CTNNA3: variants seen among roughly 807,000 people sequenced by gnomAD.
CTNNA3 encodes the protein catenin alpha 3.
Under a neutral mutation model 95.7 loss-of-function variants are expected in CTNNA3, and 76 were observed. The ratio of observed to expected loss-of-function variants is 0.79; its 90% CI spans 0.66 to 0.96. The LOEUF (loss-of-function observed/expected upper bound fraction) is 0.96. Ranked by LOEUF, CTNNA3 falls within the 40% of genes least tolerant of loss-of-function variation. The probability of loss-of-function intolerance (pLI) is 0.00; values close to 1 mark genes in which losing one functional copy is unlikely to be tolerated. For synonymous variants in CTNNA3, 431 were observed against 374.4 expected, an observed-to-expected ratio of 1.15 and a Z score of -1.74; for missense variants, 1,191 against 1,089.8, an observed-to-expected ratio of 1.09 and a Z score of -1.31.
chr10:66,514,010 G>C (rs1204503779), intron 11 of CTNNA3, among the ~76,000 whole-genome samples: 8 of 152,178 alleles, frequency 5.3e-5, no homozygotes, highest in African/African-American at 1.9e-4. Flanking sequence ...TTAGGCCCCA[G>C]GGCAGGATGT....
intron 11 of CTNNA3, among the ~76,000 whole-genome samples, chr10:66,395,304 T>C (rs139767259): frequency 1.1e-4 from 17 of 152,062 alleles, no homozygotes; most frequent in African/African-American, 4.1e-4. Flanking sequence ...GCATCATTTG[T>C]AATTGCTTCA....
At chr10:66,729,040 G>T (rs554531503) in intron 9 of CTNNA3, among the ~76,000 whole-genome samples, 2 of 152,158 alleles carry the variant, frequency 1.3e-5, no homozygotes, top group Admixed American at 6.5e-5. Flanking sequence ...TGTCAAGTTT[G>T]TCTAAGATTA....
intron 5 of CTNNA3, among the ~76,000 whole-genome samples, chr10:67,431,336 A>G (rs924485051): frequency 2.0e-5 from 3 of 152,018 alleles, no homozygotes; most frequent in African/African-American, 7.2e-5. Context: ...GACTTAACAT[A>G]TCTCAGAATC....
At position 67,058,314 on chromosome 10, in the gene CTNNA3, T is replaced by C. The variant is rs192580722; in HGVS notation, c.1047+122003A>G. Among the ~76,000 whole-genome samples, 340 of 152,336 alleles carry C rather than the reference T, an allele frequency of 2.2e-3. 9 individuals carry two copies. The highest frequency in any genetic ancestry group is 0.018 in the Admixed American group (273 of 15,300). On this transcript the variant is annotated intron_variant, in intron 7 of 17. Coordinates refer to ENST00000433211, the MANE Select transcript of CTNNA3 (RefSeq NM_013266.4). ...CATCATTCTTACTAGAGAACTTTGT[T>C]CTAGGCTTTTGTCAGATAACATATT...
chr10:66,526,700 A>G (rs962939022), intron 10 of CTNNA3, among the ~76,000 whole-genome samples: 4 of 152,156 alleles, frequency 2.6e-5, no homozygotes, highest in African/African-American at 4.8e-5. Flanking sequence ...CCTAATGATT[A>G]ATGATGCTGA....
At chr10:67,581,649 C>G (rs1202671930) in intron 3 of CTNNA3, among the ~76,000 whole-genome samples, 1 of 152,082 alleles carries the variant, frequency 6.6e-6, no homozygotes, top group African/African-American at 2.4e-5. Context: ...AGCTCCTCCT[C>G]ATACCTCTGG....
chr10:66,461,710 G>A lies in CTNNA3; in HGVS notation c.1531+58907C>T, dbSNP rs574971736. 3.4e-5 allele frequency among the ~76,000 whole-genome samples: 5 copies of A among 146,174 alleles called. No individual in the cohort carries two copies. In the South Asian group the frequency reaches 8.7e-4, roughly 25 times the overall value. ...GTATATATATATATATATATCAAGT[G>A]GAATATATTAGTAATATTTCAAAAG... On this transcript the variant is annotated intron_variant, in intron 11 of 17. Coordinates refer to ENST00000433211, the MANE Select transcript of CTNNA3 (RefSeq NM_013266.4).
At chr10:66,400,209 TA>T (rs2093009737) in intron 11 of CTNNA3, among the ~76,000 whole-genome samples, 1 of 151,870 alleles carries the variant, frequency 6.6e-6, no homozygotes, top group African/African-American at 2.4e-5. Context: ...AGAATACAAA[TA>T]AACCAACCAT....
intron 5 of CTNNA3, among the ~76,000 whole-genome samples, chr10:67,399,847 T>C (rs1274281225): frequency 6.6e-6 from 1 of 152,244 alleles, no homozygotes; most frequent in Non-Finnish European, 1.5e-5. Flanking sequence ...ATAGATCAAG[T>C]ACACATTCAT....
intron 7 of CTNNA3, among the ~76,000 whole-genome samples, chr10:66,988,154 G>A (rs985613236): frequency 6.6e-6 from 1 of 152,078 alleles, no homozygotes; most frequent in African/African-American, 2.4e-5. Context: ...TTTGTAACTT[G>A]CTGGCATCAT....
chr10:66,269,707 A>C (rs1362713211), intron 13 of CTNNA3, among the ~76,000 whole-genome samples: 1 of 152,184 alleles, frequency 6.6e-6, no homozygotes, highest in Non-Finnish European at 1.5e-5. Context: ...CATAAAATAC[A>C]CTCCGGCACA....
intron 17 of CTNNA3, among the ~76,000 whole-genome samples, chr10:65,925,024 C>T (rs1589134365): frequency 6.6e-6 from 1 of 152,264 alleles, no homozygotes; most frequent in East Asian, 1.9e-4. Flanking sequence ...ATGGGGATTA[C>T]TACAATTCAA....
intron 1 of CTNNA3, among the ~76,000 whole-genome samples, chr10:67,727,334 T>A (rs1841241076): frequency 7.5e-6 from 1 of 132,630 alleles, no homozygotes; most frequent in South Asian, 2.2e-4. Flanking sequence ...ATTTATATAT[T>A]ATTGTATATT....
intron 7 of CTNNA3, among the ~76,000 whole-genome samples, chr10:66,929,112 G>C (rs1847231901): frequency 6.6e-6 from 1 of 152,178 alleles, no homozygotes; most frequent in African/African-American, 2.4e-5. Context: ...GCAGACAACT[G>C]CAAAATGTGA....
At chr10:67,185,134 CT>C (rs369700710) in intron 6 of CTNNA3, among the ~76,000 whole-genome samples, 6 of 151,276 alleles carry the variant, frequency 4.0e-5, no homozygotes, top group African/African-American at 1.5e-4. Context: ...TTTTTCTTTT[CT>C]TTTTTTGTTT....
At chr10:67,314,291 A>G (rs1189369476) in intron 5 of CTNNA3, among the ~76,000 whole-genome samples, 2 of 152,196 alleles carry the variant, frequency 1.3e-5, no homozygotes, top group Admixed American at 1.3e-4. Context: ...TCATTTTCGC[A>G]TGACTATCTA....
intron 9 of CTNNA3, among the ~76,000 whole-genome samples, chr10:66,625,908 A>T (rs1228558478): frequency 1.3e-5 from 2 of 152,120 alleles, no homozygotes; most frequent in African/African-American, 2.4e-5. Flanking sequence ...GAGGATGATC[A>T]GGCTTGAAAC....
At chr10:67,517,425 T>G (rs1248140427) in intron 5 of CTNNA3, among the ~76,000 whole-genome samples, 1 of 152,178 alleles carries the variant, frequency 6.6e-6, no homozygotes, top group African/African-American at 2.4e-5. Context: ...AAAAGTTTGT[T>G]TTAAATTCAA....
chr10:66,563,489 T>C (rs1842613799), intron 10 of CTNNA3, among the ~76,000 whole-genome samples: 1 of 152,088 alleles, frequency 6.6e-6, no homozygotes, highest in Non-Finnish European at 1.5e-5. Flanking sequence ...AAAAAAGATT[T>C]TTTAAAGATA....
Sources: gnomAD v4.1 joint callset for allele counts (sites outside exome capture counted in the v4.1 genomes callset) on GRCh38, gnomAD v4.1.1 for gene constraint, MANE v1.5 for transcripts, NCBI Gene and HGNC (gene_info 2026-07-23, HGNC 2026-07-21) for gene names.